The following ADGRE5 variants were observed in gnomAD, a reference collection of about 807,000 sequenced individuals.
The protein encoded by ADGRE5 is CD97 molecule.
In ADGRE5, 72 loss-of-function variants were observed where a neutral mutation model predicts 100.3. The ratio of observed to expected loss-of-function variants is 0.72; its 90% CI spans 0.59 to 0.87. The LOEUF is 0.87. ADGRE5 is among the 40% of genes least tolerant of loss of function. The probability of loss-of-function intolerance (pLI) is 0.00; values close to 1 mark genes in which losing one functional copy is unlikely to be tolerated. For synonymous variants in ADGRE5, 439 were observed against 447.8 expected, an observed-to-expected ratio of 0.98 and a Z score of 0.25; for missense variants, 959 against 1,094.7, an observed-to-expected ratio of 0.88 and a Z score of 1.75.
intron 1 of ADGRE5, among the ~76,000 whole-genome samples, chr19:14,385,013 T>G (rs1326655772): frequency 8.9e-6 from 1 of 112,878 alleles, no homozygotes; most frequent in Non-Finnish European, 1.8e-5. Flanking sequence ...TCTTGCTCTT[T>G]TTTTTTTTTT....
In ADGRE5 at chr19:14,408,700, A is replaced by T; in HGVS notation, c.*579A>T. On this transcript the variant is annotated 3_prime_UTR_variant, in exon 20 of 20. Coordinates refer to ENST00000242786, the MANE Select transcript of ADGRE5 (RefSeq NM_078481.4). ...TTAAAATTTTTCAGTGTTGACACTT[A>T]AAATTAAACACATGCATACAGAAGA... The T allele has an allele frequency of 1.8e-6, 1 of 566,430 alleles. No homozygotes were observed. Among genetic ancestry groups the T allele is most frequent in the Non-Finnish European group, 3.0e-6 (1 of 336,190 alleles). The allele number at this position is 566,430 out of a possible 1,614,324, so 35.1% of individuals were successfully genotyped here.
chr19:14,396,843 T>G (rs1052749384), intron 5 of ADGRE5, among the ~76,000 whole-genome samples: 12 of 152,162 alleles, frequency 7.9e-5, no homozygotes, highest in African/African-American at 2.9e-4. Context: ...TGACTCAGTT[T>G]CCCTTTTGGT....
At chr19:14,394,517 C>T (rs1032661295) in intron 4 of ADGRE5, among the ~76,000 whole-genome samples, 4 of 152,154 alleles carry the variant, frequency 2.6e-5, no homozygotes, top group Non-Finnish European at 2.9e-5. Context: ...CAGGAGGCCA[C>T]TTTGGAAGCT....
Position 14,397,742 on chromosome 19 carries a change from G to A in ADGRE5, c.710G>A (p.Cys237Tyr). 7.1e-7 allele frequency: 1 copy of A among 1,416,518 alleles called. No individual in the cohort carries two copies. The highest frequency in any genetic ancestry group is 2.0e-4 in the Middle Eastern group (1 of 4,926). 87.7% of individuals were successfully genotyped at this position (1,416,518 alleles called of 1,614,324 possible). The change falls in exon 7 of 20, where the codon TGC becomes TAC. Residue 237 changes from cysteine (C) to tyrosine (Y), a missense_variant. Around this residue, in one of 6 missense-constraint regions of ADGRE5, gnomAD observed 69 missense variants for 135.0 expected, o/e 0.51. Transcript: ENST00000242786. The stretch of plus-strand genomic sequence containing the variant: ...ACCGTGGGTTCATACAGCTGCCGCT[G>A]CCGCCCAGGCTGGAAGCCCAGACAC... ...FNTVGSYSCRCRPGWKPRHGI... is the reference protein window; with the variant it reads ...FNTVGSYSCRYRPGWKPRHGI...
In ADGRE5 at chr19:14,406,568, C is replaced by T. The variant is rs1339225626; in HGVS notation, c.2048+11C>T. 6.2e-7 allele frequency: 1 copy of T among 1,601,736 alleles called. No homozygotes were observed. Among genetic ancestry groups the T allele is most frequent in the South Asian group, 1.1e-5 (1 of 90,306 alleles). ...CGGCCGCCCCAGATAGTGAGTGCAG[C>T]GAGATGGGGCAGGAGGAAGGCGGGG... On this transcript the variant is annotated intron_variant, in intron 15 of 19. Transcript: ENST00000242786. The surrounding 1 kb of genome is among the most constrained non-coding windows in gnomAD (Gnocchi z 6.0).
chr19:14,408,099 G>A lies in ADGRE5; in HGVS notation c.2486G>A (p.Arg829Lys), dbSNP rs1976359891. ...CTGGGCTCTCCTCTCCAGGCCCTCA[G>A]GGCATCAGAGTCCGGCATATGAAGG... ...GTGHNQTRALRASESGI is the reference protein window; with the variant it reads ...GTGHNQTRALKASESGI Residue 829 changes from arginine (R) to lysine (K), a missense_variant, in exon 20 of 20, where the codon AGG becomes AAG. This residue lies in a region of ADGRE5 where 428 missense variants were observed against 386.2 expected (regional missense o/e 1.11). Transcript: ENST00000242786. 1.2e-6 allele frequency: 2 copies of A among 1,613,668 alleles called. No homozygotes were observed. The highest frequency in any genetic ancestry group is 8.5e-7 in the Non-Finnish European group (1 of 1,180,024).
At chr19:14,384,307 G>A (rs895218924) in intron 1 of ADGRE5, among the ~76,000 whole-genome samples, 5 of 152,106 alleles carry the variant, frequency 3.3e-5, no homozygotes, top group Non-Finnish European at 7.4e-5. Context: ...CACAGTGGCT[G>A]AGTGGTCCGG....
At chr19:14,391,300 T>C in intron 4 of ADGRE5, 1 of 596,972 alleles carries the variant, frequency 1.7e-6, no homozygotes, top group Non-Finnish European at 2.9e-6. Context: ...CAAATCCTGA[T>C]AACCAAGTGT....
At chr19:14,395,549 C>G (rs1389896713) in intron 4 of ADGRE5, among the ~76,000 whole-genome samples, 2 of 152,218 alleles carry the variant, frequency 1.3e-5, no homozygotes, top group Non-Finnish European at 2.9e-5. Context: ...CATCTGCCAC[C>G]CCTCACCCAT....
At chr19:14,389,507 C>G (rs907470367) in intron 3 of ADGRE5, among the ~76,000 whole-genome samples, 1 of 150,408 alleles carries the variant, frequency 6.6e-6, no homozygotes, top group African/African-American at 2.4e-5. Context: ...CCGAGGTGGA[C>G]AGATCACTTG....
chr19:14,390,307 G>C (rs2146352926), intron 3 of ADGRE5, among the ~76,000 whole-genome samples: 1 of 151,390 alleles, frequency 6.6e-6, no homozygotes, highest in East Asian at 1.9e-4. Flanking sequence ...GGTACATTCT[G>C]GCTATGAGGT....
In ADGRE5 at chr19:14,406,024, C is replaced by A; in HGVS notation, c.1821+85C>A. 8.1e-7 allele frequency: 1 copy of A among 1,228,310 alleles called. No individual in the cohort carries two copies. The highest frequency in any genetic ancestry group is 1.5e-5 in the South Asian group (1 of 67,474). The allele number at this position is 1,228,310 out of a possible 1,614,324, so 76.1% of individuals were successfully genotyped here. On this transcript the variant is annotated intron_variant, in intron 14 of 19. Transcript: ENST00000242786. The surrounding 1 kb of genome is among the most constrained non-coding windows in gnomAD (Gnocchi z 6.0). ...GCCCCGCCCACTCCCGGGGCTCAGTCGGGTAGGCGGGCCCTGGAGGCATGA... is the reference window on the plus strand; with the variant it reads ...GCCCCGCCCACTCCCGGGGCTCAGTAGGGTAGGCGGGCCCTGGAGGCATGA...
chr19:14,405,922 G>A lies in ADGRE5; in HGVS notation c.1804G>A (p.Glu602Lys), dbSNP rs58499090. The part of the protein sequence containing the change: ...VGSTIFLAGI[E>K]NEGGQVGLRC... ...CTCCACCATCTTCCTGGCCGGCATC[G>A]AGAACGAAGGCGGCCAGGTGAGGTC... The change falls in exon 14 of 20, where the codon GAG (glutamate) becomes AAG (lysine). Residue 602 changes from glutamate (E) to lysine (K), a missense_variant. Coordinates refer to ENST00000242786, the MANE Select transcript of ADGRE5 (RefSeq NM_078481.4). 12 of 1,608,494 alleles carry A rather than the reference G, an allele frequency of 7.5e-6. No individual in the cohort carries two copies. The highest frequency in any genetic ancestry group is 2.2e-5 in the East Asian group (1 of 44,880).
rs1227368612 is a variant in ADGRE5 at position 14,405,933 on chromosome 19, C to A, written c.1815C>A (p.Gly605=). The A allele has an allele frequency of 6.2e-7, 1 of 1,606,490 alleles. No homozygotes were observed. Among genetic ancestry groups the A allele is most frequent in the Non-Finnish European group, 8.5e-7 (1 of 1,179,570 alleles). ...TIFLAGIENE[G]GQVGLRCRLV... ...TCCTGGCCGGCATCGAGAACGAAGG[C>A]GGCCAGGTGAGGTCCCGCCCCGCTC... The change falls in exon 14 of 20, where the codon GGC becomes GGA. Residue 605 remains glycine, a synonymous_variant. Coordinates refer to ENST00000242786, the MANE Select transcript of ADGRE5 (RefSeq NM_078481.4).
In ADGRE5 at chr19:14,406,896, G is replaced by A. The variant is rs145308566; in HGVS notation, c.2143G>A (p.Val715Ile). 6.7e-5 allele frequency: 108 copies of A among 1,614,152 alleles called. No homozygotes were observed. The African/African-American group carries it at 1.2e-3, about 18-fold the overall frequency. Residue 715 changes from valine (V) to isoleucine (I), a missense_variant, in exon 17 of 20, where the codon GTC becomes ATC. By Grantham distance (29) the Val-to-Ile change is conservative. Coordinates refer to ENST00000242786, the MANE Select transcript of ADGRE5 (RefSeq NM_078481.4). The surrounding 1 kb of genome is among the most constrained non-coding windows in gnomAD (Gnocchi z 6.0). ...CAATGCTGTCATTTTCGTGACTACC[G>A]TCTGGAAGCTCACTCAGAAGTTTTC... Reference protein sequence around the residue: ...LCNAVIFVTTVWKLTQKFSEI... With the variant: ...LCNAVIFVTTIWKLTQKFSEI...
At chr19:14,395,120 G>A (rs1301458084) in intron 4 of ADGRE5, among the ~76,000 whole-genome samples, 1 of 152,088 alleles carries the variant, frequency 6.6e-6, no homozygotes, top group African/African-American at 2.4e-5. Context: ...GACCAACATG[G>A]TGCAACCCTG....
rs749087567 is a variant in ADGRE5 at position 14,388,511 on chromosome 19, T to C, written c.73+11T>C. 2.5e-6 allele frequency: 4 copies of C among 1,579,100 alleles called. No individual in the cohort carries two copies. The East Asian group carries it at 9.1e-5, about 36-fold the overall frequency. ...CCCAGGACTCCAGGGGTGAGTCTGC[T>C]GGGAAGCAGAAAGCACAGTCCACAG... On this transcript the variant is annotated intron_variant, in intron 2 of 19. Transcript: ENST00000242786.
Position 14,406,199 on chromosome 19 carries a change from C to A in ADGRE5, c.1822-132C>A, listed in dbSNP as rs867198525. 6 of 784,268 alleles carry A rather than the reference C, an allele frequency of 7.7e-6. No individual in the cohort carries two copies. The African/African-American group carries it at 1.1e-4, about 14-fold the overall frequency. 48.6% of individuals were successfully genotyped at this position (784,268 alleles called of 1,614,324 possible). ...GGGTGGGCCCTGGGGGGAAACCTGGCCCCCGCTCCAGACCCGCCCACCCTC... is the reference window on the plus strand; with the variant it reads ...GGGTGGGCCCTGGGGGGAAACCTGGACCCCGCTCCAGACCCGCCCACCCTC... On this transcript the variant is annotated intron_variant, in intron 14 of 19. Transcript: ENST00000242786. This position sits in a 1 kb window ranked among gnomAD's most constrained non-coding sequence, Gnocchi z 6.0.
chr19:14,382,993 C>T (rs1045475296), intron 1 of ADGRE5, among the ~76,000 whole-genome samples: 8 of 152,062 alleles, frequency 5.3e-5, no homozygotes, highest in African/African-American at 1.9e-4. Flanking sequence ...GCCTCCGCCT[C>T]CCAAAGTGCT....
Sources: allele counts gnomAD v4.1 joint callset (sites outside exome capture counted in the v4.1 genomes callset), GRCh38; gene constraint gnomAD v4.1.1; regional missense constraint gnomAD v4.1.1; non-coding constraint Gnocchi (gnomAD v3.1); transcripts MANE v1.5; gene names NCBI Gene and HGNC (gene_info 2026-07-23, HGNC 2026-07-21).